The following ERRFI1 variants were observed in gnomAD, a reference collection of about 807,000 sequenced individuals.
The protein encoded by ERRFI1 is ERBB receptor feedback inhibitor 1.
Under a neutral mutation model 14.6 loss-of-function variants are expected in ERRFI1, and 12 were observed. That is an observed-to-expected ratio of 0.82 (90% CI 0.53 to 1.33). The LOEUF (loss-of-function observed/expected upper bound fraction) is 1.33. ERRFI1 is among the 40% of genes most tolerant of loss of function. ERRFI1 has a pLI of 0.00. For synonymous variants in ERRFI1, 202 were observed against 209.9 expected (o/e 0.96, Z 0.32); for missense variants, 482 against 572.1 (o/e 0.84, Z 1.61).
Position 8,014,050 on chromosome 1 carries a change from T to C in ERRFI1, c.549A>G (p.Leu183=), listed in dbSNP as rs375797286. Reference sequence around the variant, plus strand: ...TGAAATCAGAAAGTGTAGAGTCTTCTAAAAGGAAGTCTGTATCTGAGCTAG... The same window carrying C: ...TGAAATCAGAAAGTGTAGAGTCTTCCAAAAGGAAGTCTGTATCTGAGCTAG... ...FLTSSDTDFL[L]EDSTLSDFKY... The change falls in exon 4 of 4, where the codon TTA becomes TTG. Residue 183 remains leucine, a synonymous_variant. Coordinates refer to ENST00000377482, the MANE Select transcript of ERRFI1 (RefSeq NM_018948.4). The C allele has an allele frequency of 1.2e-6, 2 of 1,614,048 alleles. No homozygotes were observed. The highest frequency in any genetic ancestry group is 2.7e-5 in the African/African-American group (2 of 74,906).
At chr1:8,021,550 G>A (rs986768595) in intron 1 of ERRFI1, among the ~76,000 whole-genome samples, 3 of 152,084 alleles carry the variant, frequency 2.0e-5, no homozygotes, top group Non-Finnish European at 4.4e-5. Flanking sequence ...CGAGCACAAT[G>A]GTCTAATGAT....
chr1:8,025,122 C>T (rs1641325739), intron 1 of ERRFI1, among the ~76,000 whole-genome samples: 1 of 152,146 alleles, frequency 6.6e-6, no homozygotes, highest in Non-Finnish European at 1.5e-5. Flanking sequence ...TGCAGGTGTA[C>T]CTCAAGTCAC....
intron 1 of ERRFI1, among the ~76,000 whole-genome samples, chr1:8,023,254 T>A (rs1280400568): frequency 6.6e-6 from 1 of 152,196 alleles, no homozygotes; most frequent in Non-Finnish European, 1.5e-5. Flanking sequence ...GGGCTCCATT[T>A]CTGTAGCCAA....
chr1:8,014,637 A>G (rs1311302720), intron 3 of ERRFI1: 5 of 510,962 alleles, frequency 9.8e-6, no homozygotes, highest in South Asian at 9.2e-5. Context: ...GGACATGTGC[A>G]CAGCGCACAC....
At chr1:8,021,314 ACC>A (rs1207978916) in intron 1 of ERRFI1, among the ~76,000 whole-genome samples, 2 of 152,186 alleles carry the variant, frequency 1.3e-5, no homozygotes, top group African/African-American at 4.8e-5. Flanking sequence ...TCCCTCAACT[ACC>A]ATAATCCAGT....
chr1:8,014,099 G>A lies in ERRFI1; in HGVS notation c.500C>T (p.Thr167Ile), dbSNP rs2124060585. ...PISEALSLDD[T>I]DCEVEFLTSS... ...AGTTAGGAATTCCACCTCACAGTCTGTGTCATCCAGAGAGAGGGCTTCAGA... is the reference window on the plus strand; with the variant it reads ...AGTTAGGAATTCCACCTCACAGTCTATGTCATCCAGAGAGAGGGCTTCAGA... The change falls in exon 4 of 4, where the codon ACA becomes ATA. Residue 167 changes from threonine to isoleucine, a missense_variant. Thr to Ile is a moderately conservative substitution (Grantham distance 89). Coordinates refer to ENST00000377482, the MANE Select transcript of ERRFI1 (RefSeq NM_018948.4). 1 of 1,614,190 alleles carries A rather than the reference G, an allele frequency of 6.2e-7. No individual in the cohort carries two copies. The highest frequency in any genetic ancestry group is 8.5e-7 in the Non-Finnish European group (1 of 1,180,048).
At chr1:8,015,230 A>G in intron 3 of ERRFI1, 78 bp downstream of exon 3, 1 of 1,284,444 alleles carries the variant, frequency 7.8e-7, no homozygotes. Context: ...TTAAAAAATA[A>G]TGCTGGAGGA....
At chr1:8,016,234 G>T (rs561305364) in intron 1 of ERRFI1, among the ~76,000 whole-genome samples, 1 of 152,304 alleles carries the variant, frequency 6.6e-6, no homozygotes, top group East Asian at 1.9e-4. Flanking sequence ...CATTTATCTG[G>T]ATTTTGTATT....
At chr1:8,024,946 C>CG (rs1641323628) in intron 1 of ERRFI1, among the ~76,000 whole-genome samples, 1 of 152,020 alleles carries the variant, frequency 6.6e-6, no homozygotes, top group African/African-American at 2.4e-5. Context: ...AAAATAGGTA[C>CG]GGTGAACTTG....
chr1:8,016,041 CTTCT>C (rs1641168706), intron 1 of ERRFI1, among the ~76,000 whole-genome samples: 1 of 152,182 alleles, frequency 6.6e-6, no homozygotes, highest in Non-Finnish European at 1.5e-5. Flanking sequence ...TTAAACCAGC[CTTCT>C]AAGTTACGGC....
intron 1 of ERRFI1, among the ~76,000 whole-genome samples, chr1:8,022,929 G>A (rs181289077): frequency 6.6e-6 from 1 of 152,264 alleles, no homozygotes. Context: ...GAATAGCCAA[G>A]CAAGCAAACA....
intron 3 of ERRFI1, 131 bp downstream of exon 3, chr1:8,015,177 C>CTA: frequency 1.3e-6 from 1 of 745,852 alleles, no homozygotes; most frequent in Non-Finnish European, 2.3e-6. Flanking sequence ...TCTGTTGCCA[C>CTA]TAGGGGTCAG....
rs571827010 is a variant in ERRFI1 at position 8,025,704 on chromosome 1, C to G, written c.-74+454G>C. The stretch of plus-strand genomic sequence containing the variant: ...AGCCCCCAGGCCCGAAGACGCTCAT[C>G]CCCGCCGGGCAACCCCGCGAGCGCA... On this transcript the variant is annotated intron_variant, in intron 1 of 3. Transcript: ENST00000377482. Among the ~76,000 whole-genome samples, 366 of 152,310 alleles carry G rather than the reference C, an allele frequency of 2.4e-3. 1 individual carries two copies. The highest frequency in any genetic ancestry group is 8.3e-3 in the African/African-American group (346 of 41,584).
chr1:8,018,819 T>A lies in ERRFI1; in HGVS notation c.-73-3127A>T, dbSNP rs573862455. Among the ~76,000 whole-genome samples, 7 of 152,316 alleles carry A rather than the reference T, an allele frequency of 4.6e-5. No homozygotes were observed. In the South Asian group the frequency reaches 1.5e-3, roughly 32 times the overall value. Reference sequence around the variant, plus strand: ...CTTCTTGAGGTTATCCTTTTATTAATCCACTTGTATAGCTTCAACTCATAG... The same window carrying A: ...CTTCTTGAGGTTATCCTTTTATTAAACCACTTGTATAGCTTCAACTCATAG... On this transcript the variant is annotated intron_variant, in intron 1 of 3. Transcript: ENST00000377482.
intron 1 of ERRFI1, among the ~76,000 whole-genome samples, chr1:8,018,608 C>T (rs1333658356): frequency 6.6e-6 from 1 of 152,182 alleles, no homozygotes; most frequent in East Asian, 1.9e-4. Context: ...TGAATCCAGA[C>T]AGCATGGTTT....
rs779337445 is a variant in ERRFI1 at position 8,013,372 on chromosome 1, T to A, written c.1227A>T (p.Lys409Asn). 1.2e-6 allele frequency: 2 copies of A among 1,614,162 alleles called. No individual in the cohort carries two copies. Among genetic ancestry groups the A allele is most frequent in the African/African-American group, 1.3e-5 (1 of 75,030 alleles). ...ERPPYLDKYEKFFREAEETNG... is the reference protein window; with the variant it reads ...ERPPYLDKYENFFREAEETNG... ...TTGTTTCTTCTGCTTCCCTAAAAAATTTTTCATATTTGTCCAGGTATGGTG... is the reference window on the plus strand; with the variant it reads ...TTGTTTCTTCTGCTTCCCTAAAAAAATTTTCATATTTGTCCAGGTATGGTG... Residue 409 changes from lysine (K) to asparagine (N), a missense_variant, in exon 4 of 4, where the codon AAA becomes AAT. Coordinates refer to ENST00000377482, the MANE Select transcript of ERRFI1 (RefSeq NM_018948.4). The surrounding 1 kb of genome is among the most constrained non-coding windows in gnomAD (Gnocchi z 4.3).
At chr1:8,017,993 A>C (rs2124070454) in intron 1 of ERRFI1, among the ~76,000 whole-genome samples, 2 of 152,274 alleles carry the variant, frequency 1.3e-5, no homozygotes, top group East Asian at 1.9e-4. Context: ...AGCTTTCTTA[A>C]GAAAAAAATT....
At position 8,013,864 on chromosome 1, in the gene ERRFI1, T is replaced by G. The variant is rs771930801; in HGVS notation, c.735A>C (p.Arg245Ser). The change falls in exon 4 of 4, where the codon AGA becomes AGC. Residue 245 changes from arginine (R) to serine (S), a missense_variant. By Grantham distance (110) the Arg-to-Ser change is moderately radical. Transcript: ENST00000377482. The surrounding 1 kb of genome is among the most constrained non-coding windows in gnomAD (Gnocchi z 4.3). Reference protein sequence around the residue: ...PNPPPPQTHRRLRRSHSGPAG... With the variant: ...PNPPPPQTHRSLRRSHSGPAG... ...CTGGTCCCGAATGAGACCTTCTTAA[T>G]CTTCGGTGGGTCTGAGGTGGAGGAG... The G allele has an allele frequency of 1.2e-6, 2 of 1,614,162 alleles. No homozygotes were observed. The highest frequency in any genetic ancestry group is 3.3e-5 in the Admixed American group (2 of 60,022).
At position 8,026,199 on chromosome 1, in the gene ERRFI1, T is replaced by A. The variant is rs887034560; in HGVS notation, c.-115A>T. ...CTGCCCCGCGGCGCCCTCCCGCGCA[T>A]GTCCGTCCCGGCTGGCTCAGCGCCG... On this transcript the variant is annotated 5_prime_UTR_variant, in exon 1 of 4. The change abolishes an upstream ATG in the 5' untranslated region. Transcript: ENST00000377482. 1.1e-4 allele frequency: 16 copies of A among 151,634 alleles called. No individual in the cohort carries two copies. Among genetic ancestry groups the A allele is most frequent in the Admixed American group, 6.6e-5 (1 of 15,230 alleles). 9.4% of individuals were successfully genotyped at this position (151,634 alleles called of 1,614,324 possible). A position where few individuals can be genotyped will look rare whatever the true frequency, so the allele number is the denominator to read the frequency against.
Sources: allele counts gnomAD v4.1 joint callset (sites outside exome capture counted in the v4.1 genomes callset), GRCh38; gene constraint gnomAD v4.1.1; non-coding constraint Gnocchi (gnomAD v3.1); transcripts MANE v1.5; gene names NCBI Gene and HGNC (gene_info 2026-07-23, HGNC 2026-07-21).